The following SAMTOR variants were observed in gnomAD, a reference collection of about 807,000 sequenced individuals.
SAMTOR encodes S-adenosylmethionine sensor upstream of mTORC1.
At chr7:112,833,040 T>C in the SAMTOR span, among the ~76,000 whole-genome samples, 1 of 152,336 alleles carries the variant, frequency 6.6e-6, no homozygotes, top group South Asian at 2.1e-4. Context: ...GCTCCCAAAG[T>C]ATTGGGATTA....
chr7:112,828,494 C>T, the SAMTOR span, among the ~76,000 whole-genome samples: 4 of 152,062 alleles, frequency 2.6e-5, no homozygotes, highest in Non-Finnish European at 4.4e-5. Flanking sequence ...ATAAGTATAC[C>T]AGAGTCTTAT....
At chr7:112,844,644 T>C in the SAMTOR span, among the ~76,000 whole-genome samples, 1 of 152,126 alleles carries the variant, frequency 6.6e-6, no homozygotes, top group African/African-American at 2.4e-5. Context: ...ATAGGAAGAA[T>C]CAATATTGTT....
the SAMTOR span, among the ~76,000 whole-genome samples, chr7:112,922,399 G>A: frequency 4.6e-5 from 7 of 151,938 alleles, no homozygotes; most frequent in Admixed American, 1.3e-4. Flanking sequence ...AGTGAGGAGC[G>A]TCTCTGCCTG....
the SAMTOR span, among the ~76,000 whole-genome samples, chr7:112,938,695 C>CA: frequency 5.3e-5 from 8 of 152,274 alleles, no homozygotes; most frequent in Admixed American, 1.3e-4. Flanking sequence ...TTTTCACTGT[C>CA]AAAATCTTAT....
chr7:112,935,119 A>G, the SAMTOR span: 1 of 343,556 alleles, frequency 2.9e-6, no homozygotes, highest in Non-Finnish European at 5.7e-6. Context: ...TTCTATCACA[A>G]AAAGCTTTCT....
chr7:112,882,766 T>TTAA, the SAMTOR span, among the ~76,000 whole-genome samples: 4 of 120,664 alleles, frequency 3.3e-5, no homozygotes, highest in East Asian at 2.5e-4. Context: ...CATCTTTTTT[T>TTAA]AAAAAAAAAA....
At chr7:112,856,106 C>T in the SAMTOR span, among the ~76,000 whole-genome samples, 2 of 151,928 alleles carry the variant, frequency 1.3e-5, no homozygotes, top group Non-Finnish European at 2.9e-5. Context: ...AACGAGTATA[C>T]AACTAACTCA....
chr7:112,916,740 T>G, the SAMTOR span, among the ~76,000 whole-genome samples: 2 of 152,112 alleles, frequency 1.3e-5, no homozygotes, highest in Non-Finnish European at 2.9e-5. Flanking sequence ...ACTCCCACCC[T>G]AATACTGCGC....
the SAMTOR span, among the ~76,000 whole-genome samples, chr7:112,863,475 C>T: frequency 8.6e-4 from 131 of 152,230 alleles, 2 homozygotes; most frequent in African/African-American, 2.9e-3. Flanking sequence ...GCAAAAGAAA[C>T]TGTCAACAGA....
the SAMTOR span, among the ~76,000 whole-genome samples, chr7:112,902,416 C>CAAAAAAAAAAAAAAAAAAA: frequency 1.1e-3 from 13 of 12,314 alleles, 3 homozygotes; most frequent in Non-Finnish European, 1.3e-3. Context: ...AACTCCGTCT[C>CAAAAAAAAAAAAAAAAAAA]AAAAAAAAAA....
chr7:112,903,564 T>C, the SAMTOR span, among the ~76,000 whole-genome samples: 2 of 152,124 alleles, frequency 1.3e-5, no homozygotes, highest in Non-Finnish European at 2.9e-5. Context: ...ATAGTTGTAT[T>C]ATGATTACGT....
the SAMTOR span, among the ~76,000 whole-genome samples, chr7:112,829,063 A>T: frequency 4.6e-5 from 7 of 152,196 alleles, no homozygotes; most frequent in Admixed American, 2.6e-4. Context: ...ATTAAATTGG[A>T]AAGTTTTTGG....
the SAMTOR span, among the ~76,000 whole-genome samples, chr7:112,938,912 C>T: frequency 6.6e-6 from 1 of 152,262 alleles, no homozygotes; most frequent in East Asian, 1.9e-4. Flanking sequence ...CCAATACAAA[C>T]GGTATTTTCA....
At chr7:112,920,413 A>C in the SAMTOR span, among the ~76,000 whole-genome samples, 1 of 151,172 alleles carries the variant, frequency 6.6e-6, no homozygotes, top group Admixed American at 6.6e-5. Flanking sequence ...TTCATGCTAA[A>C]AACTCTCAAT....
chr7:112,926,999 T>C, the SAMTOR span, among the ~76,000 whole-genome samples: 2 of 151,982 alleles, frequency 1.3e-5, no homozygotes, highest in Non-Finnish European at 2.9e-5. Context: ...CCAAAATACC[T>C]CTGAAAGCTT....
At chr7:112,821,215 T>C in the SAMTOR span, 2 of 152,500 alleles carry the variant, frequency 1.3e-5, no homozygotes, top group African/African-American at 2.4e-5. Context: ...TCAGTAAATA[T>C]TGGATCATCA....
the SAMTOR span, among the ~76,000 whole-genome samples, chr7:112,876,726 C>T: frequency 6.6e-6 from 1 of 152,170 alleles, no homozygotes; most frequent in Admixed American, 6.5e-5. Context: ...ATGGCTTCAC[C>T]TGTACTGCAG....
the SAMTOR span, among the ~76,000 whole-genome samples, chr7:112,834,085 T>C: frequency 6.6e-6 from 1 of 152,238 alleles, no homozygotes; most frequent in Non-Finnish European, 1.5e-5. Context: ...TCATTTGCTG[T>C]TGTTTTTGAG....
the SAMTOR span, among the ~76,000 whole-genome samples, chr7:112,921,092 A>G: frequency 2.0e-5 from 3 of 152,300 alleles, no homozygotes; most frequent in South Asian, 6.2e-4. Flanking sequence ...ATTGGAAAAA[A>G]CTACTTTAAA....
Sources: allele counts gnomAD v4.1 joint callset (sites outside exome capture counted in the v4.1 genomes callset), GRCh38; gene constraint gnomAD v4.1.1; transcripts MANE v1.5; gene names NCBI Gene and HGNC (gene_info 2026-07-23, HGNC 2026-07-21).